Variants in ZFHX2 observed in about 807,000 individuals in gnomAD.
ZFHX2 encodes the protein zinc finger homeobox 2.
Under a neutral mutation model 164.8 loss-of-function variants are expected in ZFHX2, and 75 were observed. That is an observed-to-expected ratio of 0.46 (90% CI 0.38 to 0.55). ZFHX2 has a LOEUF of 0.55. Ranked by LOEUF, ZFHX2 falls within the 20% of genes least tolerant of loss-of-function variation. The pLI is 0.00. For missense variants in ZFHX2, 2,933 were observed against 3,308.0 expected, an observed-to-expected ratio of 0.89 and a Z score of 2.78; for synonymous variants, 1,217 against 1,351.4, an observed-to-expected ratio of 0.90 and a Z score of 2.18.
chr14:23,554,096 G>A (rs189961891), upstream of ZFHX2, among the ~76,000 whole-genome samples: 241 of 151,158 alleles, frequency 1.6e-3, 2 homozygotes, highest in African/African-American at 5.7e-3. Flanking sequence ...AGTAGCTTGC[G>A]GAAGGCCAAA....
chr14:23,553,843 G>T (rs7342529), upstream of ZFHX2, among the ~76,000 whole-genome samples: 1 of 151,856 alleles, frequency 6.6e-6, no homozygotes, highest in Non-Finnish European at 1.5e-5. Flanking sequence ...GCAGTGAGCC[G>T]AGATGGCGCC....
At position 23,521,785 on chromosome 14, in the gene ZFHX2, G is replaced by A. The variant is rs1878025266; in HGVS notation, c.*177C>T. 1.8e-6 allele frequency: 2 copies of A among 1,130,084 alleles called. No individual in the cohort carries two copies. The highest frequency in any genetic ancestry group is 1.6e-5 in the African/African-American group (1 of 63,780). The allele number at this position is 1,130,084 out of a possible 1,614,324, so 70.0% of individuals were successfully genotyped here. Reference sequence around the variant, plus strand: ...GTGTGTCTGTGGGGATTGGGAGGAGGCAGGACTCTGCTGGAAGTGGGGTGT... The same window carrying A: ...GTGTGTCTGTGGGGATTGGGAGGAGACAGGACTCTGCTGGAAGTGGGGTGT... On this transcript the variant is annotated 3_prime_UTR_variant, in exon 10 of 10. Coordinates refer to ENST00000419474, the MANE Select transcript of ZFHX2 (RefSeq NM_033400.3).
chr14:23,549,011 C>G (rs761953698), intron 1 of ZFHX2, among the ~76,000 whole-genome samples: 32 of 152,122 alleles, frequency 2.1e-4, no homozygotes, highest in Admixed American at 3.9e-4. Context: ...CATCCATTTA[C>G]CTTCTTTGTA....
In ZFHX2 at chr14:23,530,206, G is replaced by T. The variant is rs114719097; in HGVS notation, c.2801-12C>A. 8.9e-4 allele frequency: 1,354 copies of T among 1,521,230 alleles called. 7 individuals are homozygous for T. In the African/African-American group the frequency reaches 0.015, roughly 17 times the overall value. The allele number at this position is 1,521,230 out of a possible 1,614,324, so 94.2% of individuals were successfully genotyped here. A position where few individuals can be genotyped will look rare whatever the true frequency, so the allele number is the denominator to read the frequency against. On this transcript the variant is annotated splice_polypyrimidine_tract_variant and intron_variant, in intron 4 of 9. Transcript: ENST00000419474. The stretch of plus-strand genomic sequence containing the variant: ...GACAGGAGCCTTCCCTGTGTAGGAT[G>T]GGGGGAGAGTCAGCTTAAAGAGGTG...
At position 23,533,532 on chromosome 14, in the gene ZFHX2, T is replaced by C. The variant is rs1472039774; in HGVS notation, c.1794A>G (p.Leu598=). Residue 598 remains leucine, a synonymous_variant, in exon 2 of 10, where the codon CTA becomes CTG. Coordinates refer to ENST00000419474, the MANE Select transcript of ZFHX2 (RefSeq NM_033400.3). The surrounding 1 kb of genome is among the most constrained non-coding windows in gnomAD (Gnocchi z 4.8). The part of the protein sequence containing the change: ...MTSEKHMQNV[L]MLHQGLPLGL... ...CCAGCGGCAGCCCCTGGTGCAGCAT[T>C]AGGACATTCTGCATGTGCTTCTCAG... The C allele has an allele frequency of 2.6e-6, 4 of 1,536,004 alleles. No individual in the cohort carries two copies. Among genetic ancestry groups the C allele is most frequent in the African/African-American group, 1.4e-5 (1 of 73,030 alleles).
rs1373955265 is a variant in ZFHX2, at chr14:23,534,580, G to C, written c.746C>G (p.Pro249Arg). The C allele has an allele frequency of 1.4e-5, 21 of 1,536,016 alleles. No homozygotes were observed. In the East Asian group the frequency reaches 4.2e-4, roughly 30 times the overall value. Residue 249 changes from proline to arginine, a missense_variant, in exon 2 of 10, where the codon CCC becomes CGC. Transcript: ENST00000419474. This position sits in a 1 kb window ranked among gnomAD's most constrained non-coding sequence, Gnocchi z 4.5. ...CTGTGTGTGATCCATAAAGGCCTGG[G>C]GCTTGCTGAAACCCAGGCGGCACAG... ...CLLCRLGFSK[P>R]QAFMDHTQSH...
chr14:23,552,349 A>C (rs1291106019), upstream of ZFHX2, among the ~76,000 whole-genome samples: 1 of 145,742 alleles, frequency 6.9e-6, no homozygotes, highest in African/African-American at 2.6e-5. Context: ...GTTGGAGTGC[A>C]GTGGTGCGAT....
At position 23,524,171 on chromosome 14, in the gene ZFHX2, A is replaced by C. The variant is rs1003050645; in HGVS notation, c.5771T>G (p.Val1924Gly). 8 of 1,533,812 alleles carry C rather than the reference A, an allele frequency of 5.2e-6. No homozygotes were observed. Among genetic ancestry groups the C allele is most frequent in the Middle Eastern group, 1.7e-4 (1 of 6,006 alleles). ...KGQFRSTPGG[V>G]PSPAVKPPAT... Reference sequence around the variant, plus strand: ...AGGCGGTTTCACTGCTGGACTAGGCACCCCCCCAGGGGTGCTTCGAAACTG... The same window carrying C: ...AGGCGGTTTCACTGCTGGACTAGGCCCCCCCCCAGGGGTGCTTCGAAACTG... The change falls in exon 9 of 10, where the codon GTG becomes GGG. Residue 1924 changes from valine (V) to glycine (G), a missense_variant. Transcript: ENST00000419474. This position sits in a 1 kb window ranked among gnomAD's most constrained non-coding sequence, Gnocchi z 5.6.
rs2138668067 is a variant in ZFHX2 at position 23,524,230 on chromosome 14, C to G, written c.5712G>C (p.Trp1904Cys). 1 of 1,536,544 alleles carries G rather than the reference C, an allele frequency of 6.5e-7. No homozygotes were observed. The highest frequency in any genetic ancestry group is 2.4e-5 in the East Asian group (1 of 40,932). ...TCTCCCGGGCCCTGGTATTCTGGAACCAGACCTGTACCACTCGCTTTTTGA... is the reference window on the plus strand; with the variant it reads ...TCTCCCGGGCCCTGGTATTCTGGAAGCAGACCTGTACCACTCGCTTTTTGA... Reference protein sequence around the residue: ...VGLKKRVVQVWFQNTRARERK... With the variant: ...VGLKKRVVQVCFQNTRARERK... Residue 1904 changes from tryptophan (W) to cysteine (C), a missense_variant, in exon 9 of 10, where the codon TGG becomes TGC. Coordinates refer to ENST00000419474, the MANE Select transcript of ZFHX2 (RefSeq NM_033400.3). This position sits in a 1 kb window ranked among gnomAD's most constrained non-coding sequence, Gnocchi z 5.6.
chr14:23,528,596 C>T (rs1879090950), intron 6 of ZFHX2: 1 of 985,428 alleles, frequency 1.0e-6, no homozygotes, highest in East Asian at 1.1e-4. Flanking sequence ...CCCACTCTGC[C>T]TCTGTGAACC....
chr14:23,526,948 G>GAAA lies in ZFHX2; in HGVS notation c.3160_3161insTTT (p.Thr1054delinsIleSer). The GAAA allele has an allele frequency of 6.6e-7, 1 of 1,526,234 alleles. No individual in the cohort carries two copies. The highest frequency in any genetic ancestry group is 8.7e-7 in the Non-Finnish European group (1 of 1,143,448). The allele number at this position is 1,526,234 out of a possible 1,614,324, so 94.5% of individuals were successfully genotyped here. ...TGTGGGTGCAGACAGCACTTTGGTTGTAAATGTCATTTCTACAGTTGTAGC... is the reference window on the plus strand; with the variant it reads ...TGTGGGTGCAGACAGCACTTTGGTTGAAATAAATGTCATTTCTACAGTTGTAGC... On this transcript the variant is annotated protein_altering_variant, in exon 8 of 10. Coordinates refer to ENST00000419474, the MANE Select transcript of ZFHX2 (RefSeq NM_033400.3).
At chr14:23,530,319 G>T in intron 4 of ZFHX2, 125 bp from the exon 5 acceptor site, 1 of 763,902 alleles carries the variant, frequency 1.3e-6, no homozygotes. Flanking sequence ...CAATCAGCAG[G>T]TAGGAGAGTA....
chr14:23,533,632 G>C lies in ZFHX2; in HGVS notation c.1694C>G (p.Thr565Ser). 1.8e-5 allele frequency: 28 copies of C among 1,536,934 alleles called. No homozygotes were observed. Among genetic ancestry groups the C allele is most frequent in the Non-Finnish European group, 2.4e-5 (28 of 1,147,052 alleles). Residue 565 changes from threonine to serine, a missense_variant, in exon 2 of 10, where the codon ACC (threonine) becomes AGC (serine). Coordinates refer to ENST00000419474, the MANE Select transcript of ZFHX2 (RefSeq NM_033400.3). This position sits in a 1 kb window ranked among gnomAD's most constrained non-coding sequence, Gnocchi z 4.8. The stretch of plus-strand genomic sequence containing the variant: ...CACCTTGCACTGCCAGGATGATTTG[G>C]TCTTAGGCTCTTTGTCTCCCGCGGA... Reference protein sequence around the residue: ...PPSAGDKEPKTKSSWQCKVCS... With the variant: ...PPSAGDKEPKSKSSWQCKVCS...
Position 23,534,831 on chromosome 14 carries a change from G to A in ZFHX2, c.495C>T (p.His165=). 2.6e-6 allele frequency: 4 copies of A among 1,536,196 alleles called. No homozygotes were observed. The highest frequency in any genetic ancestry group is 3.5e-6 in the Non-Finnish European group (4 of 1,146,902). ...LPFLAYPPPS[H]LTALHIQHGF... is the part of the protein sequence containing the mutation. The stretch of plus-strand genomic sequence containing the variant: ...CATGTTGGATGTGAAGGGCAGTGAG[G>A]TGTGAGGGGGGTGGGTAGGCAAGGA... Residue 165 remains histidine (H), a synonymous_variant, in exon 2 of 10, where the codon CAC becomes CAT. Coordinates refer to ENST00000419474, the MANE Select transcript of ZFHX2 (RefSeq NM_033400.3). The surrounding 1 kb of genome is among the most constrained non-coding windows in gnomAD (Gnocchi z 4.5).
intron 4 of ZFHX2, chr14:23,531,119 C>G (rs1174680442): frequency 5.6e-6 from 1 of 178,688 alleles, no homozygotes; most frequent in Admixed American, 6.2e-5. Context: ...CCAAGAAGCC[C>G]TGGCCCAGCA....
Position 23,531,497 on chromosome 14 carries a change from C to A in ZFHX2, c.2784G>T (p.Gly928=). Reference sequence around the variant, plus strand: ...CTTCCTCACCGGGAGTCCGGAGCTGCCCGTGGCTGAAGCTCAGGATGCTCT... The same window carrying A: ...CTTCCTCACCGGGAGTCCGGAGCTGACCGTGGCTGAAGCTCAGGATGCTCT... The part of the protein sequence containing the change: ...ALQSILSFSH[G]QLRTPGKAPV... The change falls in exon 4 of 10, where the codon GGG becomes GGT. Residue 928 remains glycine (G), a synonymous_variant. Coordinates refer to ENST00000419474, the MANE Select transcript of ZFHX2 (RefSeq NM_033400.3). 7.0e-7 allele frequency: 1 copy of A among 1,434,814 alleles called. No homozygotes were observed. Among genetic ancestry groups the A allele is most frequent in the African/African-American group, 1.4e-5 (1 of 70,326 alleles). The allele number at this position is 1,434,814 out of a possible 1,614,324, so 88.9% of individuals were successfully genotyped here.
At chr14:23,529,203 C>T (rs1047536819) in intron 6 of ZFHX2, among the ~76,000 whole-genome samples, 4 of 152,156 alleles carry the variant, frequency 2.6e-5, no homozygotes, top group African/African-American at 9.7e-5. Flanking sequence ...GGTCTGAGTC[C>T]TGGGGATTTA....
chr14:23,553,569 A>T (rs1882129239), upstream of ZFHX2, among the ~76,000 whole-genome samples: 1 of 150,802 alleles, frequency 6.6e-6, no homozygotes, highest in African/African-American at 2.4e-5. Flanking sequence ...ATTGCACTCC[A>T]GCCTGGGCAA....
Position 23,530,144 on chromosome 14 carries a change from C to T in ZFHX2, c.2851G>A (p.Ala951Thr), listed in dbSNP as rs1232075938. ...CCCAATTGTTCTGTCTTGTTCTGGG[C>T]ATCTTTCTCAGGGGTGGGTGGCTCA... is the stretch of plus-strand genomic sequence containing the variant. ...LAEPPTPEKDAQNKTEQLASE... is the reference protein window; with the variant it reads ...LAEPPTPEKDTQNKTEQLASE... Residue 951 changes from alanine (A) to threonine (T), a missense_variant, in exon 5 of 10, where the codon GCC becomes ACC. Ala to Thr is a moderately conservative substitution (Grantham distance 58). Transcript: ENST00000419474. 6 of 1,536,018 alleles carry T rather than the reference C, an allele frequency of 3.9e-6. No homozygotes were observed. In the East Asian group the frequency reaches 1.5e-4, roughly 38 times the overall value.
Sources: gnomAD v4.1 joint callset for allele counts (sites outside exome capture counted in the v4.1 genomes callset) on GRCh38, gnomAD v4.1.1 for gene constraint, Gnocchi (gnomAD v3.1) non-coding constraint, MANE v1.5 for transcripts, NCBI Gene and HGNC (gene_info 2026-07-23, HGNC 2026-07-21) for gene names.